The following COL23A1 variants were observed in gnomAD, a reference collection of about 807,000 sequenced individuals.
The protein encoded by COL23A1 is collagen alpha-1(XXIII) chain.
In COL23A1, 97 loss-of-function variants were observed where a neutral mutation model predicts 99.3. That is an observed-to-expected ratio of 0.98 (90% CI 0.83 to 1.16). The LOEUF is 1.16. Ranked by LOEUF, COL23A1 falls within the 50% of genes most tolerant of loss-of-function variation. COL23A1 has a pLI of 0.00. For synonymous variants in COL23A1, 320 were observed against 308.2 expected (o/e 1.04, Z -0.40); for missense variants, 762 against 757.4 (o/e 1.01, Z -0.07).
At chr5:178,348,042 C>T (rs1761087575) in intron 2 of COL23A1, among the ~76,000 whole-genome samples, 1 of 152,132 alleles carries the variant, frequency 6.6e-6, no homozygotes, top group Non-Finnish European at 1.5e-5. Context: ...TGGATTCATG[C>T]CTCCCAGCCC....
intron 2 of COL23A1, among the ~76,000 whole-genome samples, chr5:178,552,376 GC>G (rs1241343198): frequency 1.3e-5 from 2 of 152,068 alleles, no homozygotes; most frequent in Admixed American, 6.6e-5. Context: ...GTATTCTCGT[GC>G]CCCCCAAAAA....
chr5:178,532,832 C>T (rs141770648), intron 2 of COL23A1, among the ~76,000 whole-genome samples: 1 of 152,298 alleles, frequency 6.6e-6, no homozygotes, highest in African/African-American at 2.4e-5. Context: ...CTCTTTCTGA[C>T]ACGTGAGGAT....
At chr5:178,503,478 A>C (rs1758689005) in intron 2 of COL23A1, among the ~76,000 whole-genome samples, 1 of 152,240 alleles carries the variant, frequency 6.6e-6, no homozygotes, top group African/African-American at 2.4e-5. Flanking sequence ...AAAACGGCAT[A>C]ATTAGGTCAA....
chr5:178,258,607 G>A (rs1192303596), intron 12 of COL23A1, among the ~76,000 whole-genome samples: 3 of 151,992 alleles, frequency 2.0e-5, no homozygotes, highest in African/African-American at 7.2e-5. Context: ...GCGTTAGCCA[G>A]GATGGTCTCT....
chr5:178,561,555 A>G (rs1294855848), intron 1 of COL23A1, among the ~76,000 whole-genome samples: 1 of 152,164 alleles, frequency 6.6e-6, no homozygotes, highest in Non-Finnish European at 1.5e-5. Context: ...GCAAGCTTGG[A>G]AAAAAAGAAA....
intron 2 of COL23A1, among the ~76,000 whole-genome samples, chr5:178,318,986 C>T (rs1759133337): frequency 1.3e-5 from 2 of 151,854 alleles, no homozygotes; most frequent in African/African-American, 4.8e-5. Context: ...CAGGTGAAGG[C>T]AGGTGCTGGC....
Position 178,415,563 on chromosome 5 carries a change from CCTTGCAGATA to C in COL23A1, c.362-108654_362-108645del, listed in dbSNP as rs1389832000. 2.0e-5 allele frequency among the ~76,000 whole-genome samples: 3 copies of C among 152,172 alleles called. No individual in the cohort carries two copies. Among genetic ancestry groups the C allele is most frequent in the Admixed American group, 6.5e-5 (1 of 15,278 alleles). Reference sequence around the variant, plus strand: ...ACAGCCAGAGGACACGAGGGACGCCCCTTGCAGATACTTCCAATGTGCTGACTGCTGGCAC... The same window carrying C: ...ACAGCCAGAGGACACGAGGGACGCCCCTTCCAATGTGCTGACTGCTGGCAC... On this transcript the variant is annotated intron_variant, in intron 2 of 28. Coordinates refer to ENST00000390654, the MANE Select transcript of COL23A1 (RefSeq NM_173465.4). The surrounding 1 kb of genome is among the most constrained non-coding windows in gnomAD (Gnocchi z 4.6).
chr5:178,482,732 C>T (rs1049311402), intron 2 of COL23A1, among the ~76,000 whole-genome samples: 5 of 151,444 alleles, frequency 3.3e-5, no homozygotes, highest in South Asian at 2.1e-4. Context: ...TTGCTACCGT[C>T]GCTACTAAAA....
intron 2 of COL23A1, among the ~76,000 whole-genome samples, chr5:178,536,750 G>A (rs1269104126): frequency 6.6e-6 from 1 of 152,210 alleles, no homozygotes; most frequent in Non-Finnish European, 1.5e-5. Flanking sequence ...CAGAGGCTCT[G>A]GGAGGGGCTG....
chr5:178,322,095 C>T (rs535285195), intron 2 of COL23A1, among the ~76,000 whole-genome samples: 5 of 151,372 alleles, frequency 3.3e-5, no homozygotes, highest in Non-Finnish European at 5.9e-5. Flanking sequence ...TGAGTTCAAG[C>T]GATTCTCCTG....
At chr5:178,290,478 T>A in intron 3 of COL23A1, 109 bp from the exon 4 acceptor site, 1 of 1,410,454 alleles carries the variant, frequency 7.1e-7, no homozygotes, top group Non-Finnish European at 1.0e-6. Flanking sequence ...TGGCCACCTC[T>A]CCCCGGAAGG....
At chr5:178,299,978 TCCTGA>T (rs1157106612) in intron 3 of COL23A1, among the ~76,000 whole-genome samples, 1 of 152,150 alleles carries the variant, frequency 6.6e-6, no homozygotes, top group Non-Finnish European at 1.5e-5. Flanking sequence ...GGTCTAGAAC[TCCTGA>T]CCTCAGATGA....
chr5:178,472,844 G>T (rs1011553899), intron 2 of COL23A1, among the ~76,000 whole-genome samples: 8 of 152,116 alleles, frequency 5.3e-5, no homozygotes, highest in Non-Finnish European at 1.0e-4. Context: ...AAATACACAG[G>T]CAGGACACAG....
chr5:178,570,734 G>C (rs931322237), intron 1 of COL23A1, among the ~76,000 whole-genome samples: 2 of 152,174 alleles, frequency 1.3e-5, no homozygotes, highest in Non-Finnish European at 2.9e-5. Context: ...CACCTGGGGA[G>C]TGGCCAGGCT....
intron 2 of COL23A1, among the ~76,000 whole-genome samples, chr5:178,542,859 A>G (rs1369801670): frequency 1.3e-5 from 2 of 152,226 alleles, no homozygotes; most frequent in Non-Finnish European, 2.9e-5. Context: ...CTGCGAAGTC[A>G]AAACAATTTT....
At chr5:178,562,733 T>TGGGGGGGGGGGGGGGGGG (rs879632255) in intron 1 of COL23A1, 9 of 97,672 alleles carry the variant, frequency 9.2e-5, no homozygotes, top group African/African-American at 5.5e-4. Context: ...CGCTGGCTGG[T>TGGGGGGGGGGGGGGGGGG]GGTGGGGGGG....
At chr5:178,297,684 G>A (rs1757818429) in intron 3 of COL23A1, among the ~76,000 whole-genome samples, 1 of 152,178 alleles carries the variant, frequency 6.6e-6, no homozygotes, top group Non-Finnish European at 1.5e-5. Context: ...CCCCGGAAAG[G>A]CACTTCCCTA....
chr5:178,334,258 GGT>G (rs970240941), intron 2 of COL23A1, among the ~76,000 whole-genome samples: 1 of 152,134 alleles, frequency 6.6e-6, no homozygotes, highest in Non-Finnish European at 1.5e-5. Flanking sequence ...CGCAGTGCTG[GGT>G]GTGTCCACAT....
At chr5:178,343,912 T>G (rs569661847) in intron 2 of COL23A1, among the ~76,000 whole-genome samples, 2 of 152,182 alleles carry the variant, frequency 1.3e-5, no homozygotes, top group Non-Finnish European at 2.9e-5. Context: ...CTGCCCACCT[T>G]GGCCTCCCAA....
Sources: gnomAD v4.1 joint callset for allele counts (sites outside exome capture counted in the v4.1 genomes callset) on GRCh38, gnomAD v4.1.1 for gene constraint, Gnocchi (gnomAD v3.1) non-coding constraint, MANE v1.5 for transcripts, NCBI Gene and HGNC (gene_info 2026-07-23, HGNC 2026-07-21) for gene names.